Variants in NCKAP5 observed in about 807,000 individuals in gnomAD.
The protein encoded by NCKAP5 is NCK associated protein 5.
A neutral mutation model predicts 167.0 loss-of-function variants in NCKAP5; 92 were observed. That is an observed-to-expected ratio of 0.55 (90% CI 0.47 to 0.66). The LOEUF (loss-of-function observed/expected upper bound fraction) is 0.66. NCKAP5 is among the 30% of genes least tolerant of loss of function. NCKAP5 has a pLI of 0.00. For missense variants in NCKAP5, 2,378 were observed against 2,315.0 expected, an observed-to-expected ratio of 1.03 and a Z score of -0.56; for synonymous variants, 891 against 877.4, an observed-to-expected ratio of 1.02 and a Z score of -0.27.
intron 3 of NCKAP5, among the ~76,000 whole-genome samples, chr2:133,410,633 T>C (rs970875296): frequency 6.6e-6 from 1 of 152,168 alleles, no homozygotes; most frequent in African/African-American, 2.4e-5. Flanking sequence ...AGCTGCAGCA[T>C]CGCAGGGAGC....
chr2:132,923,110 A>G (rs1001289129), intron 8 of NCKAP5, among the ~76,000 whole-genome samples: 1 of 152,192 alleles, frequency 6.6e-6, no homozygotes, highest in African/African-American at 2.4e-5. Context: ...ATGGGCTTTC[A>G]GCAAAGTAAT....
At chr2:133,668,764 T>C in the NCKAP5 span, among the ~76,000 whole-genome samples, 187 of 152,338 alleles carry the variant, frequency 1.2e-3, 1 homozygote, top group Admixed American at 0.012. Context: ...TTTCATCAAA[T>C]GTGGCATGTT....
intron 3 of NCKAP5, among the ~76,000 whole-genome samples, chr2:133,506,511 G>A (rs1683021251): frequency 6.6e-6 from 1 of 152,090 alleles, no homozygotes; most frequent in Non-Finnish European, 1.5e-5. Context: ...CACCAACAGG[G>A]GACAAGACAG....
chr2:132,782,931 A>G lies in NCKAP5; in HGVS notation c.3880T>C (p.Ser1294Pro), dbSNP rs866287483. Reference protein sequence around the residue: ...DKPSTPPIEGSGKVRTQIITN... With the variant: ...DKPSTPPIEGPGKVRTQIITN... Reference sequence around the variant, plus strand: ...ATGATCTGAGTGCGGACTTTGCCTGACCCTTCGATGGGGGGCGTAGAAGGC... The same window carrying G: ...ATGATCTGAGTGCGGACTTTGCCTGGCCCTTCGATGGGGGGCGTAGAAGGC... The change falls in exon 14 of 20, where the codon TCA (serine) becomes CCA (proline). Residue 1294 changes from serine to proline, a missense_variant. Physicochemically the swap from Ser to Pro is moderately conservative, Grantham distance 74 (BLOSUM62 -1). Transcript: ENST00000409261. 3.1e-6 allele frequency: 5 copies of G among 1,613,468 alleles called. No individual in the cohort carries two copies. In the Admixed American group the frequency reaches 5.0e-5, roughly 16 times the overall value.
At chr2:132,706,265 C>A (rs1209516176) in intron 19 of NCKAP5, among the ~76,000 whole-genome samples, 1 of 152,094 alleles carries the variant, frequency 6.6e-6, no homozygotes, top group East Asian at 1.9e-4. Context: ...GATACTGAAG[C>A]AAAAGGACTA....
intron 1 of NCKAP5, among the ~76,000 whole-genome samples, chr2:133,563,473 G>T (rs1688313688): frequency 1.3e-5 from 2 of 149,552 alleles, no homozygotes; most frequent in African/African-American, 4.9e-5. Context: ...GGAGGCTGAG[G>T]CAGGAGAATA....
chr2:133,009,341 C>T (rs2078073808), intron 6 of NCKAP5, among the ~76,000 whole-genome samples: 1 of 152,102 alleles, frequency 6.6e-6, no homozygotes, highest in South Asian at 2.1e-4. Context: ...ATGCATATCT[C>T]AAGTTTTTTC....
rs550104302 is a variant in NCKAP5, at chr2:132,783,759, T to A, written c.3052A>T (p.Thr1018Ser). Reference protein sequence around the residue: ...PMPSPEAVIQTRCPAHAPSSS... With the variant: ...PMPSPEAVIQSRCPAHAPSSS... The stretch of plus-strand genomic sequence containing the variant: ...GAGGGGGCATGAGCAGGGCATCGGG[T>A]TTGAATGACTGCTTCTGGGGAGGGC... Residue 1018 changes from threonine to serine, a missense_variant, in exon 14 of 20, where the codon ACC becomes TCC. By Grantham distance (58) the Thr-to-Ser change is moderately conservative. Transcript: ENST00000409261. The A allele has an allele frequency of 3.2e-5, 51 of 1,590,422 alleles. No homozygotes were observed. The highest frequency in any genetic ancestry group is 4.3e-5 in the Non-Finnish European group (50 of 1,169,394).
chr2:132,973,637 G>A (rs959514059), intron 7 of NCKAP5, among the ~76,000 whole-genome samples: 1 of 151,802 alleles, frequency 6.6e-6, no homozygotes, highest in Non-Finnish European at 1.5e-5. Flanking sequence ...ATTAAGATTA[G>A]ACCTGCCTAG....
chr2:133,040,750 A>G (rs1383160432), intron 6 of NCKAP5, among the ~76,000 whole-genome samples: 1 of 152,230 alleles, frequency 6.6e-6, no homozygotes, highest in Non-Finnish European at 1.5e-5. Context: ...GCATCTAGGC[A>G]TAACTAGACA....
At chr2:133,458,479 T>C (rs544995088) in intron 3 of NCKAP5, among the ~76,000 whole-genome samples, 1 of 152,160 alleles carries the variant, frequency 6.6e-6, no homozygotes, top group Admixed American at 6.6e-5. Context: ...CCTTGCAACA[T>C]CCTGGCTGCT....
intron 6 of NCKAP5, among the ~76,000 whole-genome samples, chr2:133,071,642 G>A (rs2080408224): frequency 6.6e-6 from 1 of 152,174 alleles, no homozygotes; most frequent in Non-Finnish European, 1.5e-5. Flanking sequence ...GAGCCATGCA[G>A]GTTCTCCTAT....
intron 19 of NCKAP5, among the ~76,000 whole-genome samples, chr2:132,698,056 A>G (rs1305543256): frequency 6.6e-6 from 1 of 152,156 alleles, no homozygotes. Flanking sequence ...CTTCTGCGCT[A>G]TTCACTGGCA....
chr2:132,945,144 G>A (rs1299533518), intron 8 of NCKAP5, among the ~76,000 whole-genome samples: 2 of 151,980 alleles, frequency 1.3e-5, no homozygotes, highest in Admixed American at 6.6e-5. Context: ...ACAGGAGAAG[G>A]GAACTCTTGG....
chr2:133,064,583 T>C (rs1353561168), intron 6 of NCKAP5, among the ~76,000 whole-genome samples: 1 of 152,200 alleles, frequency 6.6e-6, no homozygotes, highest in Non-Finnish European at 1.5e-5. Context: ...TACAGAGCTA[T>C]TACAAATGTT....
At chr2:133,050,390 AAG>A (rs1483353852) in intron 6 of NCKAP5, among the ~76,000 whole-genome samples, 6 of 152,330 alleles carry the variant, frequency 3.9e-5, no homozygotes, top group East Asian at 1.9e-4. Flanking sequence ...GTGAGGGAAA[AAG>A]AGATGGTTTT....
intron 7 of NCKAP5, among the ~76,000 whole-genome samples, chr2:132,965,670 C>T (rs553608791): frequency 1.3e-5 from 2 of 152,160 alleles, no homozygotes; most frequent in East Asian, 3.9e-4. Context: ...GTGTAAACAT[C>T]ATAGAGTGTA....
Position 132,844,211 on chromosome 2 carries a change from A to T in NCKAP5, c.807+16281T>A, listed in dbSNP as rs184133470. Among the ~76,000 whole-genome samples, 396 of 152,234 alleles carry T rather than the reference A, an allele frequency of 2.6e-3. 3 individuals are homozygous for T. Among genetic ancestry groups the T allele is most frequent in the Middle Eastern group, 0.02 (6 of 294 alleles). On this transcript the variant is annotated intron_variant, in intron 11 of 19. Transcript: ENST00000409261. Reference sequence around the variant, plus strand: ...TACATGTGTTCTCACATGTATGCATATATTTTTTCTCAATATTTATAAACT... The same window carrying T: ...TACATGTGTTCTCACATGTATGCATTTATTTTTTCTCAATATTTATAAACT...
At chr2:132,691,384 C>T (rs1049797658) in intron 19 of NCKAP5, among the ~76,000 whole-genome samples, 2 of 152,174 alleles carry the variant, frequency 1.3e-5, no homozygotes, top group South Asian at 2.1e-4. Context: ...CTATAAGGTC[C>T]GATATAAGTG....
Sources: allele counts gnomAD v4.1 joint callset (sites outside exome capture counted in the v4.1 genomes callset), GRCh38; gene constraint gnomAD v4.1.1; transcripts MANE v1.5; gene names NCBI Gene and HGNC (gene_info 2026-07-23, HGNC 2026-07-21).